Variants in RGSL1 observed in about 807,000 individuals in gnomAD.
The protein encoded by RGSL1 is regulator of G protein signaling like 1.
RGSL1 carries 97 observed loss-of-function variants against 124.7 expected under a neutral mutation model. That is an observed-to-expected ratio of 0.78 (90% confidence interval 0.66 to 0.92). The LOEUF (loss-of-function observed/expected upper bound fraction) is 0.92, where lower values mean the gene tolerates loss of function less well. Ranked by LOEUF, RGSL1 falls within the 40% of genes least tolerant of loss-of-function variation. The pLI is 0.00. For missense variants in RGSL1, 1,233 were observed against 1,288.4 expected, an observed-to-expected ratio of 0.96 and a Z score of 0.66; for synonymous variants, 424 against 438.1, an observed-to-expected ratio of 0.97 and a Z score of 0.40.
chr1:182,501,266 C>T (rs202181129), intron 9 of RGSL1, among the ~76,000 whole-genome samples: 8 of 134,242 alleles, frequency 6.0e-5, no homozygotes, highest in South Asian at 4.7e-4. Flanking sequence ...CTCTCTTTCT[C>T]TCTTTCTTTC....
chr1:182,488,954 A>C, intron 7 of RGSL1, 26 bp from the exon 8 acceptor site: 1 of 1,534,796 alleles, frequency 6.5e-7, no homozygotes, highest in Non-Finnish European at 8.8e-7. Context: ...AACAAATGCC[A>C]TCTTCCCCTC....
At chr1:182,522,182 T>C in intron 10 of RGSL1, 73 bp downstream of exon 10, 1 of 1,013,838 alleles carries the variant, frequency 9.9e-7, no homozygotes, top group Non-Finnish European at 1.5e-6. Context: ...TGTCTAATGG[T>C]AAACTTATCT....
intron 1 of RGSL1, 143 bp downstream of exon 1, chr1:182,450,321 T>C: frequency 1.2e-6 from 1 of 862,032 alleles, no homozygotes; most frequent in East Asian, 2.6e-5. Context: ...GTTTTCCTTC[T>C]CTTTCTCCTT....
intron 18 of RGSL1, among the ~76,000 whole-genome samples, chr1:182,551,632 T>C (rs1339423179): frequency 6.6e-6 from 1 of 152,206 alleles, no homozygotes; most frequent in African/African-American, 2.4e-5. Context: ...GTTTTATACA[T>C]ATATAATTTT....
intron 2 of RGSL1, among the ~76,000 whole-genome samples, chr1:182,456,732 AG>A (rs1210867933): frequency 6.6e-6 from 1 of 152,232 alleles, no homozygotes; most frequent in Non-Finnish European, 1.5e-5. Context: ...CTAGCCACTT[AG>A]GCAGCTGTGG....
chr1:182,555,685 C>T lies in RGSL1; in HGVS notation c.3198-339C>T, dbSNP rs188493026. ...AGCCTCTGAATGACAGGCTTGGTGTCCTTGCCAGCCAAGTCACTTCTCAGG... is the reference window on the plus strand; with the variant it reads ...AGCCTCTGAATGACAGGCTTGGTGTTCTTGCCAGCCAAGTCACTTCTCAGG... On this transcript the variant is annotated intron_variant, in intron 20 of 21. Coordinates refer to ENST00000294854, the MANE Select transcript of RGSL1 (RefSeq NM_001137669.2). The T allele has an allele frequency of 2.4e-5, 7 of 285,976 alleles. No homozygotes were observed. In the East Asian group the frequency reaches 5.6e-4, roughly 23 times the overall value. 17.7% of individuals were successfully genotyped at this position (285,976 alleles called of 1,614,324 possible).
intron 19 of RGSL1, among the ~76,000 whole-genome samples, chr1:182,554,053 T>C (rs1660720248): frequency 6.6e-6 from 1 of 152,152 alleles, no homozygotes; most frequent in African/African-American, 2.4e-5. Flanking sequence ...TTCTTCCCCA[T>C]CTTCAGTCTC....
At position 182,513,215 on chromosome 1, in the gene RGSL1, C is replaced by G. The variant is rs564392411; in HGVS notation, c.1826-8789C>G. Among the ~76,000 whole-genome samples the G allele has an allele frequency of 1.7e-4, 26 of 152,322 alleles. No homozygotes were observed. In the South Asian group the frequency reaches 5.4e-3, roughly 32 times the overall value. On this transcript the variant is annotated intron_variant, in intron 9 of 21. Transcript: ENST00000294854. ...CCATTAGAATATGGACGATGACCAACCTGAGCTACTTCCTGCTGACAGGGG... is the reference window on the plus strand; with the variant it reads ...CCATTAGAATATGGACGATGACCAAGCTGAGCTACTTCCTGCTGACAGGGG...
chr1:182,462,171 T>C (rs1335065739), intron 4 of RGSL1, among the ~76,000 whole-genome samples: 1 of 152,174 alleles, frequency 6.6e-6, no homozygotes, highest in Non-Finnish European at 1.5e-5. Context: ...AGCAGATTTC[T>C]CATCAGAAAC....
At chr1:182,464,983 C>T (rs749968517) in intron 4 of RGSL1, among the ~76,000 whole-genome samples, 18 of 150,810 alleles carry the variant, frequency 1.2e-4, no homozygotes, top group East Asian at 1.9e-4. Context: ...AGCTGAGGAA[C>T]GAGGATTGCT....
rs1033317437 is a variant in RGSL1 at position 182,471,429 on chromosome 1, A to G, written c.302-967A>G. ...TTCCTGGGGCTTTTGCAAGTTCCTA[A>G]TGGTTTTCAGATTGCCCTAAGCCCC... On this transcript the variant is annotated intron_variant, in intron 4 of 21. Transcript: ENST00000294854. 9 of 454,558 alleles carry G rather than the reference A, an allele frequency of 2.0e-5. No homozygotes were observed. The East Asian group carries it at 5.6e-4, about 28-fold the overall frequency. The allele number at this position is 454,558 out of a possible 1,614,324, so 28.2% of individuals were successfully genotyped here.
intron 2 of RGSL1, among the ~76,000 whole-genome samples, chr1:182,457,752 A>G (rs948221264): frequency 2.0e-5 from 3 of 152,184 alleles, no homozygotes; most frequent in African/African-American, 7.2e-5. Flanking sequence ...TTTCCCATCC[A>G]TTTCAAAGGG....
intron 10 of RGSL1, among the ~76,000 whole-genome samples, chr1:182,526,973 A>G (rs1658795540): frequency 6.6e-6 from 1 of 152,198 alleles, no homozygotes; most frequent in African/African-American, 2.4e-5. Flanking sequence ...TATAACATAA[A>G]GATGAGGTTT....
chr1:182,541,393 A>G (rs985560154), intron 15 of RGSL1, among the ~76,000 whole-genome samples: 1 of 152,140 alleles, frequency 6.6e-6, no homozygotes, highest in Non-Finnish European at 1.5e-5. Flanking sequence ...GTTGCTGCAA[A>G]TGACAGGATT....
intron 9 of RGSL1, among the ~76,000 whole-genome samples, chr1:182,498,877 C>T (rs911639575): frequency 6.6e-6 from 1 of 151,164 alleles, no homozygotes; most frequent in Non-Finnish European, 1.5e-5. Flanking sequence ...ACTGCAACCT[C>T]CACCTCCTGG....
intron 15 of RGSL1, among the ~76,000 whole-genome samples, chr1:182,547,159 C>G (rs1401384751): frequency 6.6e-6 from 1 of 152,202 alleles, no homozygotes; most frequent in East Asian, 1.9e-4. Context: ...ATGACGTGCT[C>G]TCTATTTCTA....
chr1:182,535,026 G>A (rs1659442212), intron 14 of RGSL1, among the ~76,000 whole-genome samples: 2 of 152,040 alleles, frequency 1.3e-5, no homozygotes. Context: ...CTTAGATGCA[G>A]GGAAGAGCTT....
chr1:182,532,870 C>T, intron 14 of RGSL1, 79 bp downstream of exon 14: 1 of 1,438,808 alleles, frequency 7.0e-7, no homozygotes. Flanking sequence ...AAGCTTATTG[C>T]TTTGTGTCAT....
rs202107097 is a variant in RGSL1 at position 182,540,239 on chromosome 1, T to C, written c.2495-8T>C. 167 of 1,531,710 alleles carry C rather than the reference T, an allele frequency of 1.1e-4. No homozygotes were observed. Among genetic ancestry groups the C allele is most frequent in the Middle Eastern group, 1.7e-4 (1 of 5,920 alleles). 94.9% of individuals were successfully genotyped at this position (1,531,710 alleles called of 1,614,324 possible). A position where few individuals can be genotyped will look rare whatever the true frequency, so the allele number is the denominator to read the frequency against. On this transcript the variant is annotated splice_polypyrimidine_tract_variant and splice_region_variant and intron_variant, in intron 14 of 21. Coordinates refer to ENST00000294854, the MANE Select transcript of RGSL1 (RefSeq NM_001137669.2). ...CAAAATTGTAATTCCTTCTTCTTTC[T>C]CTCTCAGATTTCACCACAGCACACA...
Sources: gnomAD v4.1 joint callset for allele counts (sites outside exome capture counted in the v4.1 genomes callset) on GRCh38, gnomAD v4.1.1 for gene constraint, MANE v1.5 for transcripts, NCBI Gene and HGNC (gene_info 2026-07-23, HGNC 2026-07-21) for gene names.